The following YES1 variants were observed in gnomAD, a reference collection of about 807,000 sequenced individuals.
YES1 encodes the protein tyrosine-protein kinase Yes.
Under a neutral mutation model 70.4 loss-of-function variants are expected in YES1, and 39 were observed. The ratio of observed to expected loss-of-function variants is 0.55; its 90% confidence interval spans 0.43 to 0.72. The LOEUF (loss-of-function observed/expected upper bound fraction) is 0.72. YES1 is among the 30% of genes least tolerant of loss of function. The pLI, the probability that YES1 is intolerant of heterozygous loss-of-function variation, is 0.00. For missense variants in YES1, 495 were observed against 644.8 expected (o/e 0.77, Z 2.52); for synonymous variants, 198 against 218.6 (o/e 0.91, Z 0.83).
At chr18:790,520 C>T (rs901954745) in intron 1 of YES1, among the ~76,000 whole-genome samples, 3 of 151,940 alleles carry the variant, frequency 2.0e-5, no homozygotes, top group African/African-American at 7.3e-5. Flanking sequence ...AAATAAACAT[C>T]AATGAAACAG....
At chr18:800,807 G>C (rs1227096859) in intron 1 of YES1, among the ~76,000 whole-genome samples, 2 of 152,134 alleles carry the variant, frequency 1.3e-5, no homozygotes, top group Admixed American at 6.5e-5. Context: ...CAGCACTCTG[G>C]GAGGCCAAGG....
intron 6 of YES1, among the ~76,000 whole-genome samples, chr18:744,114 C>G (rs8099748): frequency 0.58 from 86,630 of 150,610 alleles, 25,353 homozygotes; most frequent in East Asian, 0.7. Flanking sequence ...GTATGTTCCA[C>G]TATTGTGCTA....
chr18:794,657 A>G (rs1906446233), intron 1 of YES1, among the ~76,000 whole-genome samples: 1 of 152,122 alleles, frequency 6.6e-6, no homozygotes, highest in Non-Finnish European at 1.5e-5. Context: ...GCTCCCCCTG[A>G]CACTCTGGAT....
Position 722,848 on chromosome 18 carries a change from T to G in YES1, c.*1576A>C, listed in dbSNP as rs2079969899. ...TGGCTCACGCCTGTAATCCCAGCAC[T>G]TTGGGAGGCCGAGGCGGGCAGATCA... On this transcript the variant is annotated 3_prime_UTR_variant, in exon 12 of 12. Transcript: ENST00000314574. 2.6e-5 allele frequency: 4 copies of G among 152,218 alleles called. No homozygotes were observed. Among genetic ancestry groups the G allele is most frequent in the Admixed American group, 2.6e-4 (4 of 15,280 alleles). 9.4% of individuals were successfully genotyped at this position (152,218 alleles called of 1,614,324 possible).
chr18:792,574 T>G (rs986447952), intron 1 of YES1, among the ~76,000 whole-genome samples: 1 of 71,540 alleles, frequency 1.4e-5, no homozygotes, highest in Non-Finnish European at 2.9e-5. Flanking sequence ...TATGTGTGTG[T>G]GTGTGTGTGT....
chr18:739,382 G>T (rs909885268), intron 9 of YES1: 15 of 163,078 alleles, frequency 9.2e-5, no homozygotes, highest in Non-Finnish European at 1.9e-4. Flanking sequence ...GATCCTTTGA[G>T]CCAAGGACTT....
chr18:731,964 T>C (rs1226821802), intron 11 of YES1, among the ~76,000 whole-genome samples: 7 of 74,760 alleles, frequency 9.4e-5, no homozygotes, highest in African/African-American at 1.7e-4. Context: ...GAGACTCCAT[T>C]TCAAAAAAAA....
chr18:800,523 A>G lies in YES1; in HGVS notation c.-9+11591T>C, dbSNP rs537382341. ...TGGGATAATAATGCTACAAAAATTA[A>G]GCTAGTATTCCCGCTAGAAAACAAT... On this transcript the variant is annotated intron_variant, in intron 1 of 11. Transcript: ENST00000314574. 3.9e-5 allele frequency among the ~76,000 whole-genome samples: 6 copies of G among 152,368 alleles called. No individual in the cohort carries two copies. The East Asian group carries it at 5.8e-4, about 15-fold the overall frequency.
chr18:812,327 GCCC>G (rs10617278), upstream of YES1: 42,198 of 145,084 alleles, frequency 0.29, 6,572 homozygotes, highest in South Asian at 0.39. Flanking sequence ...CACCTCCTCC[GCCC>G]CCCCCCCCCG....
At chr18:744,687 GC>G (rs2080257333) in intron 6 of YES1, among the ~76,000 whole-genome samples, 3 of 96,500 alleles carry the variant, frequency 3.1e-5, no homozygotes, top group Non-Finnish European at 5.9e-5. Flanking sequence ...ACCACGCCTG[GC>G]CTTTTTTTTT....
intron 9 of YES1, 171 bp downstream of exon 9, chr18:739,564 G>A: frequency 2.0e-6 from 1 of 498,946 alleles, no homozygotes; most frequent in Non-Finnish European, 3.4e-6. Context: ...AGCTATCAGT[G>A]CACCACTGCA....
chr18:743,905 CG>C (rs1299972392), intron 6 of YES1, among the ~76,000 whole-genome samples: 6 of 130,134 alleles, frequency 4.6e-5, no homozygotes, highest in African/African-American at 1.8e-4. Context: ...GATTCTGACT[CG>C]AAAAAAAAAA....
rs1270730420 is a variant in YES1 at position 724,292 on chromosome 18, A to G, written c.*132T>C. The G allele has an allele frequency of 9.0e-6, 8 of 889,806 alleles. No homozygotes were observed. Among genetic ancestry groups the G allele is most frequent in the African/African-American group, 1.7e-5 (1 of 58,952 alleles). 55.1% of individuals were successfully genotyped at this position (889,806 alleles called of 1,614,324 possible). A position where few individuals can be genotyped will look rare whatever the true frequency, so the allele number is the denominator to read the frequency against. On this transcript the variant is annotated 3_prime_UTR_variant, in exon 12 of 12. Transcript: ENST00000314574. ...GAAAAAAAAGTGGTTTTGTGCAACC[A>G]TATCTGGGATTCCAGTTTACCATTA...
chr18:781,601 T>C (rs1905671982), intron 1 of YES1, among the ~76,000 whole-genome samples: 1 of 152,216 alleles, frequency 6.6e-6, no homozygotes, highest in Non-Finnish European at 1.5e-5. Flanking sequence ...CTCTTGTAGC[T>C]TAGCCTAGTG....
At chr18:730,266 G>A (rs1415173395) in intron 11 of YES1, among the ~76,000 whole-genome samples, 1 of 151,880 alleles carries the variant, frequency 6.6e-6, no homozygotes, top group African/African-American at 2.4e-5. Flanking sequence ...CAGCCTCCTA[G>A]TGGCTATTTT....
chr18:805,323 T>C (rs1439689488), intron 1 of YES1, among the ~76,000 whole-genome samples: 1 of 152,082 alleles, frequency 6.6e-6, no homozygotes, highest in East Asian at 1.9e-4. Flanking sequence ...TAAACATAAC[T>C]AAATGTAGAA....
rs771193015 is a variant in YES1, at chr18:723,837, AAT to A, written c.*585_*586del. ...ATTCCACTTCTGTGGTCTAACATTTAATCAAGTTTGAGATCCTGTTTATATTC... is the reference window on the plus strand; with the variant it reads ...ATTCCACTTCTGTGGTCTAACATTTACAAGTTTGAGATCCTGTTTATATTC... On this transcript the variant is annotated 3_prime_UTR_variant, in exon 12 of 12. Coordinates refer to ENST00000314574, the MANE Select transcript of YES1 (RefSeq NM_005433.4). 2.0e-5 allele frequency: 3 copies of A among 153,304 alleles called. No individual in the cohort carries two copies. Among genetic ancestry groups the A allele is most frequent in the Non-Finnish European group, 4.4e-5 (3 of 68,508 alleles). The allele number at this position is 153,304 out of a possible 1,614,324, so 9.5% of individuals were successfully genotyped here.
chr18:757,516 A>T (rs534027824), intron 1 of YES1, among the ~76,000 whole-genome samples: 5 of 149,862 alleles, frequency 3.3e-5, no homozygotes, highest in African/African-American at 1.2e-4. Flanking sequence ...AAAAAAAAAA[A>T]AAGAAAGAAA....
intron 1 of YES1, among the ~76,000 whole-genome samples, chr18:791,122 C>A (rs368758154): frequency 6.6e-6 from 1 of 151,170 alleles, no homozygotes; most frequent in Admixed American, 6.6e-5. Flanking sequence ...TGGTGGTGCG[C>A]GTTTGTAATC....
Sources: gnomAD v4.1 joint callset for allele counts (sites outside exome capture counted in the v4.1 genomes callset) on GRCh38, gnomAD v4.1.1 for gene constraint, MANE v1.5 for transcripts, NCBI Gene and HGNC (gene_info 2026-07-23, HGNC 2026-07-21) for gene names.